Variants in EXOC6B observed in about 807,000 individuals in gnomAD.
EXOC6B encodes exocyst complex component 6B.
EXOC6B carries 54 observed loss-of-function variants against 113.5 expected under a neutral mutation model. That is an observed-to-expected ratio of 0.48 (90% CI 0.38 to 0.60). The LOEUF (loss-of-function observed/expected upper bound fraction) is 0.60, where lower values mean the gene tolerates loss of function less well. Ranked by LOEUF, EXOC6B falls within the 20% of genes least tolerant of loss-of-function variation. The pLI is 0.00. For missense variants in EXOC6B, 797 were observed against 977.5 expected, an observed-to-expected ratio of 0.82 and a Z score of 2.46; for synonymous variants, 357 against 339.0, an observed-to-expected ratio of 1.05 and a Z score of -0.58.
At chr2:72,701,474 A>G (rs188817632) in intron 6 of EXOC6B, among the ~76,000 whole-genome samples, 49 of 152,284 alleles carry the variant, frequency 3.2e-4, no homozygotes, top group Middle Eastern at 6.8e-3. Context: ...CACCTAAGAA[A>G]GGCAGGAAAA....
At chr2:72,611,171 T>A (rs937333354) in intron 6 of EXOC6B, among the ~76,000 whole-genome samples, 1 of 151,950 alleles carries the variant, frequency 6.6e-6, no homozygotes, top group Non-Finnish European at 1.5e-5. Context: ...AAGACCAGCC[T>A]GGCCAAATAG....
In EXOC6B at chr2:72,370,017, T is replaced by C. The variant is rs200489649; in HGVS notation, c.2122+9712A>G. Reference sequence around the variant, plus strand: ...AAAGCCAAAACTGACAAATGGGATCTCATTAAACTAAAGAGCTTCTGCACA... The same window carrying C: ...AAAGCCAAAACTGACAAATGGGATCCCATTAAACTAAAGAGCTTCTGCACA... On this transcript the variant is annotated intron_variant, in intron 19 of 21. Coordinates refer to ENST00000272427, the MANE Select transcript of EXOC6B (RefSeq NM_015189.3). Among the ~76,000 whole-genome samples, 142 of 152,240 alleles carry C rather than the reference T, an allele frequency of 9.3e-4. 1 individual carries two copies. The East Asian group carries it at 0.026, about 28-fold the overall frequency.
At chr2:72,288,576 T>C (rs1266859288) in intron 20 of EXOC6B, among the ~76,000 whole-genome samples, 1 of 152,088 alleles carries the variant, frequency 6.6e-6, no homozygotes, top group African/African-American at 2.4e-5. Flanking sequence ...ATCAATGTAA[T>C]GTTTAATGAA....
intron 17 of EXOC6B, among the ~76,000 whole-genome samples, chr2:72,476,618 T>C (rs1295918344): frequency 6.6e-6 from 1 of 151,854 alleles, no homozygotes; most frequent in Non-Finnish European, 1.5e-5. Context: ...TTCTTTCCTC[T>C]CTTTCCTTCC....
rs534982988 is a variant in EXOC6B at position 72,176,021 on chromosome 2, T to C, written c.*3314A>G. The stretch of plus-strand genomic sequence containing the variant: ...CAGGTATGTAGGCTTTCTTGTTTAA[T>C]AGCAGTTAAAAGAGGAAAATGTACA... On this transcript the variant is annotated 3_prime_UTR_variant, in exon 22 of 22. Transcript: ENST00000272427. 6.6e-6 allele frequency: 1 copy of C among 152,242 alleles called. No individual in the cohort carries two copies. Among genetic ancestry groups the C allele is most frequent in the African/African-American group, 2.4e-5 (1 of 41,460 alleles). The allele number at this position is 152,242 out of a possible 1,614,324, so 9.4% of individuals were successfully genotyped here. A position where few individuals can be genotyped will look rare whatever the true frequency, so the allele number is the denominator to read the frequency against.
At chr2:72,297,249 T>C (rs1171082538) in intron 20 of EXOC6B, among the ~76,000 whole-genome samples, 1 of 152,196 alleles carries the variant, frequency 6.6e-6, no homozygotes, top group Admixed American at 6.6e-5. Flanking sequence ...GTTTATTATA[T>C]AGGTAAACTT....
intron 18 of EXOC6B, among the ~76,000 whole-genome samples, chr2:72,383,701 T>G (rs1691828338): frequency 1.3e-5 from 2 of 152,126 alleles, no homozygotes; most frequent in Admixed American, 1.3e-4. Context: ...TGCACACCTA[T>G]GTTCACTGCA....
At chr2:72,650,018 AG>A (rs1431022173) in intron 6 of EXOC6B, among the ~76,000 whole-genome samples, 1 of 152,254 alleles carries the variant, frequency 6.6e-6, no homozygotes, top group Non-Finnish European at 1.5e-5. Context: ...ATAGCCTGTT[AG>A]GAACTGGGCG....
At chr2:72,573,233 C>T (rs766409383) in intron 7 of EXOC6B, among the ~76,000 whole-genome samples, 102 of 152,232 alleles carry the variant, frequency 6.7e-4, no homozygotes, top group Middle Eastern at 3.4e-3. Flanking sequence ...ATCATCTAAC[C>T]ATCTCTTCAG....
At chr2:72,745,779 A>G (rs1314937246) in intron 1 of EXOC6B, among the ~76,000 whole-genome samples, 2 of 152,318 alleles carry the variant, frequency 1.3e-5, no homozygotes, top group Non-Finnish European at 2.9e-5. Context: ...ACATTTAAAT[A>G]TAACACTTTG....
At chr2:72,518,924 G>A (rs1207844277) in intron 8 of EXOC6B, among the ~76,000 whole-genome samples, 3 of 152,066 alleles carry the variant, frequency 2.0e-5, no homozygotes, top group Non-Finnish European at 4.4e-5. Context: ...ATTGGATATG[G>A]GTGATAAAGA....
At chr2:72,643,270 C>A (rs1209806595) in intron 6 of EXOC6B, among the ~76,000 whole-genome samples, 1 of 150,960 alleles carries the variant, frequency 6.6e-6, no homozygotes, top group Non-Finnish European at 1.5e-5. Flanking sequence ...TGGGTATATA[C>A]CCAAAGGACT....
intron 6 of EXOC6B, among the ~76,000 whole-genome samples, chr2:72,659,048 T>C (rs1674815721): frequency 6.6e-6 from 1 of 152,166 alleles, no homozygotes; most frequent in African/African-American, 2.4e-5. Flanking sequence ...TTCATTTAAC[T>C]CCAGTATTTA....
At chr2:72,689,632 G>C (rs1227305123) in intron 6 of EXOC6B, among the ~76,000 whole-genome samples, 1 of 152,140 alleles carries the variant, frequency 6.6e-6, no homozygotes, top group African/African-American at 2.4e-5. Flanking sequence ...CGGGCCCTGT[G>C]GCAAACTCCG....
chr2:72,220,055 A>G (rs888940951), intron 20 of EXOC6B, among the ~76,000 whole-genome samples: 1 of 152,212 alleles, frequency 6.6e-6, no homozygotes, highest in Non-Finnish European at 1.5e-5. Context: ...GGGAAGCTGC[A>G]GAGATTAAGT....
chr2:72,386,193 A>C (rs1692016000), intron 18 of EXOC6B, among the ~76,000 whole-genome samples: 1 of 152,060 alleles, frequency 6.6e-6, no homozygotes, highest in Non-Finnish European at 1.5e-5. Context: ...GGAATACCAC[A>C]TATGCTCATA....
At chr2:72,454,745 A>C (rs1489485663) in intron 18 of EXOC6B, among the ~76,000 whole-genome samples, 1 of 152,210 alleles carries the variant, frequency 6.6e-6, no homozygotes, top group Non-Finnish European at 1.5e-5. Flanking sequence ...GCAAAGGACT[A>C]CTGGCTGGAT....
At chr2:72,666,784 C>CAT (rs1329025675) in intron 6 of EXOC6B, among the ~76,000 whole-genome samples, 112 of 138,376 alleles carry the variant, frequency 8.1e-4, no homozygotes, top group Non-Finnish European at 1.4e-3. Context: ...ACAATAGACA[C>CAT]ACACACACAC....
At chr2:72,389,209 A>C (rs1339456256) in intron 18 of EXOC6B, among the ~76,000 whole-genome samples, 1 of 151,824 alleles carries the variant, frequency 6.6e-6, no homozygotes, top group Non-Finnish European at 1.5e-5. Flanking sequence ...TTTTGACTTA[A>C]TAGTTATATT....
Sources: gnomAD v4.1 joint callset for allele counts (sites outside exome capture counted in the v4.1 genomes callset) on GRCh38, gnomAD v4.1.1 for gene constraint, MANE v1.5 for transcripts, NCBI Gene and HGNC (gene_info 2026-07-23, HGNC 2026-07-21) for gene names.